SPATA13: variants seen among roughly 807,000 people sequenced by gnomAD.
SPATA13 encodes the protein spermatogenesis-associated protein 13.
A neutral mutation model predicts 104.0 loss-of-function variants in SPATA13; 50 were observed. The observed-to-expected ratio is 0.48, with a 90% CI of 0.38 to 0.61. SPATA13 has a LOEUF of 0.61. SPATA13 is among the 20% of genes least tolerant of loss of function. The pLI, the probability that SPATA13 is intolerant of heterozygous loss-of-function variation, is 0.00. For missense variants in SPATA13, 1,524 were observed against 1,690.6 expected (o/e 0.90, Z 1.73); for synonymous variants, 606 against 667.5 (o/e 0.91, Z 1.42).
chr13:24,149,910 C>T (rs1422669181), intron 3 of SPATA13, among the ~76,000 whole-genome samples: 1 of 151,952 alleles, frequency 6.6e-6, no homozygotes, highest in Non-Finnish European at 1.5e-5. Context: ...TGGGGAGGAA[C>T]ACAGAGATGG....
intron 1 of SPATA13, among the ~76,000 whole-genome samples, chr13:24,162,788 G>T (rs1882559974): frequency 1.3e-5 from 2 of 152,216 alleles, no homozygotes; most frequent in Admixed American, 1.3e-4. Context: ...TAACCGGCAT[G>T]GCTTCTTGCC....
intron 3 of SPATA13, among the ~76,000 whole-genome samples, chr13:24,070,769 T>A (rs887114212): frequency 6.6e-6 from 1 of 151,932 alleles, no homozygotes; most frequent in Non-Finnish European, 1.5e-5. Flanking sequence ...CCCCAAGTAA[T>A]GAAGAATTCC....
At chr13:24,185,008 T>G (rs1255497850) in intron 1 of SPATA13, among the ~76,000 whole-genome samples, 1 of 152,182 alleles carries the variant, frequency 6.6e-6, no homozygotes, top group African/African-American at 2.4e-5. Flanking sequence ...AAGTGGGCAC[T>G]GGGGCCGTCT....
At chr13:24,276,909 C>T (rs771969194) in intron 4 of SPATA13, among the ~76,000 whole-genome samples, 1 of 152,206 alleles carries the variant, frequency 6.6e-6, no homozygotes, top group Non-Finnish European at 1.5e-5. Context: ...GCAGAGCTGG[C>T]ATTGACACGC....
At chr13:24,134,625 T>C (rs1292770360) in intron 3 of SPATA13, among the ~76,000 whole-genome samples, 1 of 152,188 alleles carries the variant, frequency 6.6e-6, no homozygotes, top group Non-Finnish European at 1.5e-5. Flanking sequence ...ATATGCCATC[T>C]TGATAGACCA....
At chr13:24,218,386 G>T (rs543563287) in intron 1 of SPATA13, among the ~76,000 whole-genome samples, 12 of 152,250 alleles carry the variant, frequency 7.9e-5, no homozygotes, top group African/African-American at 2.9e-4. Flanking sequence ...GCAGTGCTGG[G>T]GTGGACCCTC....
chr13:24,139,789 C>T (rs1392025833), intron 3 of SPATA13, among the ~76,000 whole-genome samples: 2 of 152,112 alleles, frequency 1.3e-5, no homozygotes, highest in Non-Finnish European at 2.9e-5. Context: ...ACATGCAGGC[C>T]GGGCGCGGTG....
chr13:24,236,177 C>T (rs1872553184), intron 2 of SPATA13, among the ~76,000 whole-genome samples: 1 of 152,158 alleles, frequency 6.6e-6, no homozygotes, highest in African/African-American at 2.4e-5. Context: ...TTAGCCTCCT[C>T]ATCTCTTGAG....
Position 24,303,070 on chromosome 13 carries a change from C to A in SPATA13, c.*297C>A. ...CCATGCTCTAAAGCGAGTGATTAGG[C>A]AGCAGCTGAAGCCACCCCTGCTGAT... On this transcript the variant is annotated 3_prime_UTR_variant, in exon 13 of 13. Transcript: ENST00000382108. 1 of 442,938 alleles carries A rather than the reference C, an allele frequency of 2.3e-6. No individual in the cohort carries two copies. Among genetic ancestry groups the A allele is most frequent in the South Asian group, 2.2e-5 (1 of 45,644 alleles). 27.4% of individuals were successfully genotyped at this position (442,938 alleles called of 1,614,324 possible). A position where few individuals can be genotyped will look rare whatever the true frequency, so the allele number is the denominator to read the frequency against.
At chr13:24,194,491 C>G (rs9511134) in intron 1 of SPATA13, among the ~76,000 whole-genome samples, 65,084 of 151,958 alleles carry the variant, frequency 0.43, 16,098 homozygotes, top group Non-Finnish European at 0.56. Context: ...GAGAAACCAA[C>G]TAGCTGGAGA....
At chr13:24,154,030 C>G (rs2138474268) in intron 3 of SPATA13, among the ~76,000 whole-genome samples, 1 of 152,254 alleles carries the variant, frequency 6.6e-6, no homozygotes, top group Middle Eastern at 3.4e-3. Flanking sequence ...GATTAGAAAA[C>G]TGAGGCTAAG....
intron 3 of SPATA13, among the ~76,000 whole-genome samples, chr13:24,083,296 A>AC (rs1361751895): frequency 6.6e-6 from 1 of 152,198 alleles, no homozygotes; most frequent in African/African-American, 2.4e-5. Context: ...AGCTCTTGCC[A>AC]CCTGACAAAG....
intron 4 of SPATA13, among the ~76,000 whole-genome samples, chr13:24,282,066 A>G (rs1418599828): frequency 6.6e-6 from 1 of 151,876 alleles, no homozygotes; most frequent in Non-Finnish European, 1.5e-5. Flanking sequence ...CCTGGGCTCT[A>G]TTTACAGAAT....
chr13:24,187,410 A>G (rs1356489025), intron 1 of SPATA13, among the ~76,000 whole-genome samples: 1 of 151,862 alleles, frequency 6.6e-6, no homozygotes, highest in Non-Finnish European at 1.5e-5. Flanking sequence ...CCACCCTTCT[A>G]TTTATAGAAG....
intron 3 of SPATA13, among the ~76,000 whole-genome samples, chr13:24,032,486 GCT>G (rs1347653880): frequency 6.6e-6 from 1 of 152,164 alleles, no homozygotes; most frequent in Non-Finnish European, 1.5e-5. Flanking sequence ...AATCAGTTCA[GCT>G]CTGTCTCTGC....
chr13:23,980,133 T>C (rs937655666), intron 1 of SPATA13, among the ~76,000 whole-genome samples: 1 of 151,754 alleles, frequency 6.6e-6, no homozygotes, highest in Non-Finnish European at 1.5e-5. Context: ...GAGCTTGCAG[T>C]GAGCCGAGAT....
chr13:24,248,451 T>C (rs1351120972), intron 2 of SPATA13, among the ~76,000 whole-genome samples: 2 of 152,238 alleles, frequency 1.3e-5, no homozygotes, highest in East Asian at 1.9e-4. Context: ...TGGTACATTG[T>C]GTTGCCTCTG....
chr13:24,137,882 A>T (rs1372962393), intron 3 of SPATA13, among the ~76,000 whole-genome samples: 1 of 152,240 alleles, frequency 6.6e-6, no homozygotes, highest in Non-Finnish European at 1.5e-5. Context: ...AGAGATGGGT[A>T]ACTAAACAGC....
intron 2 of SPATA13, among the ~76,000 whole-genome samples, chr13:24,007,556 AAGT>A (rs1389256353): frequency 6.6e-6 from 1 of 152,152 alleles, no homozygotes; most frequent in African/African-American, 2.4e-5. Context: ...TCCCAGGTTC[AAGT>A]AGTTCTCATG....
Sources: allele counts gnomAD v4.1 joint callset (sites outside exome capture counted in the v4.1 genomes callset), GRCh38; gene constraint gnomAD v4.1.1; transcripts MANE v1.5; gene names NCBI Gene and HGNC (gene_info 2026-07-23, HGNC 2026-07-21).